NKAIN2: variants seen among roughly 807,000 people sequenced by gnomAD.
The protein encoded by NKAIN2 is sodium/potassium-transporting ATPase subunit beta-1-interacting protein 2.
Under a neutral mutation model 32.6 loss-of-function variants are expected in NKAIN2, and 14 were observed. That is an observed-to-expected ratio of 0.43 (90% CI 0.28 to 0.67). NKAIN2 has a LOEUF of 0.67. NKAIN2 is among the 30% of genes least tolerant of loss of function. The pLI is 0.17. For missense variants in NKAIN2, 198 were observed against 258.3 expected (o/e 0.77, Z 1.60); for synonymous variants, 80 against 87.2 (o/e 0.92, Z 0.46).
At chr6:124,742,612 C>G (rs1777271535) in intron 4 of NKAIN2, among the ~76,000 whole-genome samples, 1 of 151,870 alleles carries the variant, frequency 6.6e-6, no homozygotes, top group African/African-American at 2.4e-5. Context: ...TATTGGTTCT[C>G]TTTTTGGTTC....
intron 3 of NKAIN2, among the ~76,000 whole-genome samples, chr6:124,415,155 G>T (rs767399268): frequency 6.6e-6 from 1 of 152,142 alleles, no homozygotes; most frequent in Non-Finnish European, 1.5e-5. Context: ...CCTGCAGATA[G>T]CATCAGATTC....
In NKAIN2 at chr6:123,804,266, T is replaced by C. The variant is rs1458461657; in HGVS notation, c.54+12T>C. ...GTGGCATGCAACTGGTAAGTGACACTTGGGTCCCCTTATTCTGTAATGTGT... is the reference window on the plus strand; with the variant it reads ...GTGGCATGCAACTGGTAAGTGACACCTGGGTCCCCTTATTCTGTAATGTGT... On this transcript the variant is annotated intron_variant, in intron 1 of 6. Coordinates refer to ENST00000368417, the MANE Select transcript of NKAIN2 (RefSeq NM_001040214.3). 6 of 1,609,126 alleles carry C rather than the reference T, an allele frequency of 3.7e-6. No homozygotes were observed. The highest frequency in any genetic ancestry group is 5.1e-6 in the Non-Finnish European group (6 of 1,175,462).
chr6:124,061,995 C>T (rs574920308), intron 1 of NKAIN2, among the ~76,000 whole-genome samples: 1 of 152,054 alleles, frequency 6.6e-6, no homozygotes, highest in Non-Finnish European at 1.5e-5. Context: ...GGTGCAGAAA[C>T]TGAGATATCT....
intron 3 of NKAIN2, among the ~76,000 whole-genome samples, chr6:124,510,403 G>A (rs1455239954): frequency 6.6e-6 from 1 of 152,054 alleles, no homozygotes; most frequent in Non-Finnish European, 1.5e-5. Context: ...AGAATCTGCT[G>A]TATGACATTT....
intron 1 of NKAIN2, among the ~76,000 whole-genome samples, chr6:124,261,873 A>C (rs959755669): frequency 6.6e-6 from 1 of 151,904 alleles, no homozygotes. Flanking sequence ...ACACAAAAAA[A>C]AAAAAAAAAT....
chr6:124,612,714 A>G (rs1782738655), intron 3 of NKAIN2, among the ~76,000 whole-genome samples: 1 of 152,230 alleles, frequency 6.6e-6, no homozygotes, highest in Admixed American at 6.5e-5. Context: ...ATGAATATAT[A>G]GATTAAAACT....
At chr6:124,823,164 G>T (rs1012837722) in intron 6 of NKAIN2, 56 bp from the exon 7 acceptor site, 1 of 1,257,556 alleles carries the variant, frequency 8.0e-7, no homozygotes, top group Non-Finnish European at 1.2e-6. Context: ...AAGGTGGTGA[G>T]CAGCAGGCAC....
chr6:124,245,850 T>C (rs1274218219), intron 1 of NKAIN2, among the ~76,000 whole-genome samples: 1 of 152,120 alleles, frequency 6.6e-6, no homozygotes, highest in Non-Finnish European at 1.5e-5. Flanking sequence ...ATGTATGTTA[T>C]AAATTTGTTA....
chr6:123,968,749 G>A (rs1437922901), intron 1 of NKAIN2, among the ~76,000 whole-genome samples: 1 of 152,206 alleles, frequency 6.6e-6, no homozygotes, highest in East Asian at 1.9e-4. Flanking sequence ...TCTCTGGAAT[G>A]CCCCTGTTAG....
chr6:124,703,618 A>G (rs1236140552), intron 4 of NKAIN2, among the ~76,000 whole-genome samples: 1 of 152,060 alleles, frequency 6.6e-6, no homozygotes, highest in Non-Finnish European at 1.5e-5. Context: ...GGAAGCTCTG[A>G]CAAGTGTGTG....
chr6:123,948,053 A>G (rs1777151376), intron 1 of NKAIN2, among the ~76,000 whole-genome samples: 2 of 152,070 alleles, frequency 1.3e-5, no homozygotes, highest in South Asian at 4.1e-4. Flanking sequence ...ACTTAACATA[A>G]TATTTTCCAG....
intron 4 of NKAIN2, among the ~76,000 whole-genome samples, chr6:124,702,119 A>G (rs1375902602): frequency 1.3e-5 from 2 of 152,106 alleles, no homozygotes; most frequent in African/African-American, 4.8e-5. Flanking sequence ...AAATACTGCT[A>G]TATATATATT....
intron 5 of NKAIN2, among the ~76,000 whole-genome samples, chr6:124,809,890 C>T (rs1200147128): frequency 6.6e-6 from 1 of 152,120 alleles, no homozygotes; most frequent in African/African-American, 2.4e-5. Flanking sequence ...AAAATGCTCA[C>T]CATCACTGGC....
chr6:123,989,220 G>T (rs999564380), intron 1 of NKAIN2, among the ~76,000 whole-genome samples: 7 of 152,166 alleles, frequency 4.6e-5, no homozygotes, highest in Non-Finnish European at 7.4e-5. Context: ...TGATAACTGG[G>T]TAACAGATCC....
chr6:123,927,845 T>C (rs905987026), intron 1 of NKAIN2, among the ~76,000 whole-genome samples: 24 of 152,216 alleles, frequency 1.6e-4, no homozygotes, highest in African/African-American at 5.8e-4. Context: ...TTCTATGACC[T>C]GTAACTTGCA....
At position 123,989,425 on chromosome 6, in the gene NKAIN2, T is replaced by C. The variant is rs142037212; in HGVS notation, c.54+185171T>C. Among the ~76,000 whole-genome samples, 328 of 152,318 alleles carry C rather than the reference T, an allele frequency of 2.2e-3. 2 individuals are homozygous for C. Among genetic ancestry groups the C allele is most frequent in the Admixed American group, 0.016 (252 of 15,296 alleles). On this transcript the variant is annotated intron_variant, in intron 1 of 6. Transcript: ENST00000368417. ...AAGAGTTTCTTCCATTTCCATCTAT[T>C]TATTTGTGTGAACAAAGAACCTTAA...
chr6:124,802,839 T>C (rs1780325929), intron 5 of NKAIN2, among the ~76,000 whole-genome samples: 1 of 152,222 alleles, frequency 6.6e-6, no homozygotes, highest in Non-Finnish European at 1.5e-5. Flanking sequence ...CCTATGTTTT[T>C]CTCATGCTTT....
At chr6:124,518,174 G>T (rs1385588926) in intron 3 of NKAIN2, among the ~76,000 whole-genome samples, 2 of 151,428 alleles carry the variant, frequency 1.3e-5, no homozygotes, top group African/African-American at 4.9e-5. Context: ...ATCTGTAAAA[G>T]CATGCGAAAA....
chr6:124,664,657 A>G (rs926047384), intron 4 of NKAIN2, among the ~76,000 whole-genome samples: 1 of 148,932 alleles, frequency 6.7e-6, no homozygotes. Flanking sequence ...AGCCGGGCGT[A>G]GTGGCGGGCG....
Sources: gnomAD v4.1 joint callset for allele counts (sites outside exome capture counted in the v4.1 genomes callset) on GRCh38, gnomAD v4.1.1 for gene constraint, MANE v1.5 for transcripts, NCBI Gene and HGNC (gene_info 2026-07-23, HGNC 2026-07-21) for gene names.